FBXL17: variants seen among roughly 807,000 people sequenced by gnomAD.
The protein encoded by FBXL17 is F-box and leucine rich repeat protein 17, also known as F-box/LRR-repeat protein 17.
A neutral mutation model predicts 66.2 loss-of-function variants in FBXL17; 22 were observed. That is an observed-to-expected ratio of 0.33 (90% CI 0.24 to 0.47). FBXL17 has a LOEUF of 0.47. Among genes scored for constraint, FBXL17 ranks in the 20% least tolerant of loss-of-function variants. FBXL17 has a pLI of 1.00. For synonymous variants in FBXL17, 474 were observed against 400.5 expected, an observed-to-expected ratio of 1.18 and a Z score of -2.19; for missense variants, 878 against 948.2, an observed-to-expected ratio of 0.93 and a Z score of 0.97.
Position 108,289,949 on chromosome 5 carries a change from G to A in FBXL17, c.1506+58450C>T, listed in dbSNP as rs200957827. The stretch of plus-strand genomic sequence containing the variant: ...TCTTTGTGCAAGTGTATTTTACTCT[G>A]TAAAACATTCACAAAAACGCACAAA... On this transcript the variant is annotated intron_variant, in intron 4 of 8. Transcript: ENST00000542267. 7.2e-5 allele frequency among the ~76,000 whole-genome samples: 11 copies of A among 152,256 alleles called. No homozygotes were observed. The East Asian group carries it at 2.1e-3, about 29-fold the overall frequency.
intron 6 of FBXL17, among the ~76,000 whole-genome samples, chr5:108,151,007 T>G (rs1264763279): frequency 6.6e-6 from 1 of 152,204 alleles, no homozygotes; most frequent in Non-Finnish European, 1.5e-5. Flanking sequence ...TTTTGGTTGT[T>G]ACATTAACCA....
intron 7 of FBXL17, among the ~76,000 whole-genome samples, chr5:107,918,400 G>A (rs1485433872): frequency 2.6e-5 from 4 of 152,160 alleles, no homozygotes; most frequent in African/African-American, 9.7e-5. Flanking sequence ...TGTACAGAGA[G>A]TTTTTAAAAA....
chr5:108,371,243 G>T (rs113115160), intron 1 of FBXL17, among the ~76,000 whole-genome samples: 21 of 152,222 alleles, frequency 1.4e-4, no homozygotes, highest in Non-Finnish European at 3.1e-4. Context: ...CACCATTCTG[G>T]TCAGAAGAAT....
intron 6 of FBXL17, among the ~76,000 whole-genome samples, chr5:108,157,879 C>T (rs1215933490): frequency 6.6e-6 from 1 of 152,004 alleles, no homozygotes; most frequent in Non-Finnish European, 1.5e-5. Flanking sequence ...ACAATGGTAA[C>T]TTTCCATTAA....
intron 4 of FBXL17, among the ~76,000 whole-genome samples, chr5:108,295,653 A>C (rs1346270797): frequency 6.6e-6 from 1 of 152,036 alleles, no homozygotes; most frequent in East Asian, 1.9e-4. Flanking sequence ...ACACACACAC[A>C]ATCAACAAAC....
At chr5:107,880,193 G>C (rs1159555302) in intron 8 of FBXL17, 1 of 226,682 alleles carries the variant, frequency 4.4e-6, no homozygotes, top group Non-Finnish European at 7.3e-6. Context: ...TTAGCTTCCC[G>C]AGTAGCTGGG....
chr5:108,363,904 A>G (rs1210648889), intron 3 of FBXL17, among the ~76,000 whole-genome samples: 2 of 152,024 alleles, frequency 1.3e-5, no homozygotes, highest in African/African-American at 4.8e-5. Flanking sequence ...GATTAATTTA[A>G]TATGTTTAAG....
chr5:107,861,719 G>T lies in FBXL17; in HGVS notation c.*1C>A. ...CCAGTGGACTAGGCGAGGCAGGAGC[G>T]CTAGGAGGAGGCGGCAGACATGTTG... On this transcript the variant is annotated 3_prime_UTR_variant, in exon 9 of 9. Coordinates refer to ENST00000542267, the MANE Select transcript of FBXL17 (RefSeq NM_001163315.3). 1 of 1,572,052 alleles carries T rather than the reference G, an allele frequency of 6.4e-7. No individual in the cohort carries two copies.
intron 7 of FBXL17, among the ~76,000 whole-genome samples, chr5:108,011,815 C>T (rs531007918): frequency 5.8e-4 from 89 of 152,188 alleles, no homozygotes; most frequent in African/African-American, 1.8e-3. Flanking sequence ...CAGAGTGAGA[C>T]TCTATCTCAA....
chr5:108,333,935 T>G (rs1441152806), intron 4 of FBXL17, among the ~76,000 whole-genome samples: 1 of 152,338 alleles, frequency 6.6e-6, no homozygotes, highest in African/African-American at 2.4e-5. Context: ...CCAAGCTCAG[T>G]ACTATGCACT....
At chr5:108,084,268 G>A (rs1269870220) in intron 6 of FBXL17, among the ~76,000 whole-genome samples, 1 of 152,186 alleles carries the variant, frequency 6.6e-6, no homozygotes, top group Non-Finnish European at 1.5e-5. Flanking sequence ...CAGCAATGCT[G>A]CTTGTGTACG....
intron 5 of FBXL17, among the ~76,000 whole-genome samples, chr5:108,221,109 C>G (rs1754846414): frequency 6.6e-6 from 1 of 152,148 alleles, no homozygotes; most frequent in South Asian, 2.1e-4. Flanking sequence ...CTTCTTATCC[C>G]AATATTGCTT....
At chr5:108,043,299 T>C (rs777756849) in intron 6 of FBXL17, among the ~76,000 whole-genome samples, 1 of 152,180 alleles carries the variant, frequency 6.6e-6, no homozygotes, top group Non-Finnish European at 1.5e-5. Flanking sequence ...ATTACATGCC[T>C]AGCCCTAGAC....
Position 108,224,993 on chromosome 5 carries a change from T to A in FBXL17, c.1507-765A>T, listed in dbSNP as rs374649025. On this transcript the variant is annotated intron_variant, in intron 4 of 8. Coordinates refer to ENST00000542267, the MANE Select transcript of FBXL17 (RefSeq NM_001163315.3). ...AAATTCACCCTTTCAAAGAGTACAG[T>A]TCAGTATATTCGCAAGTTTATGCAC... 2.3e-4 allele frequency among the ~76,000 whole-genome samples: 35 copies of A among 152,200 alleles called. No homozygotes were observed. The South Asian group carries it at 7.1e-3, about 31-fold the overall frequency.
intron 4 of FBXL17, among the ~76,000 whole-genome samples, chr5:108,283,479 C>T (rs1339520184): frequency 6.6e-6 from 1 of 151,532 alleles, no homozygotes; most frequent in Non-Finnish European, 1.5e-5. Flanking sequence ...ACTGGACTGC[C>T]ATATGAAGGA....
intron 6 of FBXL17, among the ~76,000 whole-genome samples, chr5:108,065,490 A>G (rs1748083362): frequency 6.6e-6 from 1 of 152,220 alleles, no homozygotes; most frequent in South Asian, 2.1e-4. Context: ...CGTGGCAATT[A>G]ATCCCTTGTA....
intron 7 of FBXL17, among the ~76,000 whole-genome samples, chr5:107,971,928 T>C (rs1228888129): frequency 1.3e-5 from 2 of 152,200 alleles, no homozygotes; most frequent in Non-Finnish European, 2.9e-5. Flanking sequence ...CTCATACCTT[T>C]GGCAAAGGCC....
chr5:107,973,537 C>T (rs1025473790), intron 7 of FBXL17, among the ~76,000 whole-genome samples: 7 of 151,820 alleles, frequency 4.6e-5, no homozygotes, highest in African/African-American at 1.7e-4. Flanking sequence ...AATCTTCCTC[C>T]CTCTGCTGAC....
chr5:108,293,257 T>C (rs553618451), intron 4 of FBXL17, among the ~76,000 whole-genome samples: 5 of 152,290 alleles, frequency 3.3e-5, no homozygotes, highest in South Asian at 2.1e-4. Flanking sequence ...AAGTGAAATA[T>C]TGTAATACTA....
Sources: allele counts gnomAD v4.1 joint callset (sites outside exome capture counted in the v4.1 genomes callset), GRCh38; gene constraint gnomAD v4.1.1; transcripts MANE v1.5; gene names NCBI Gene and HGNC (gene_info 2026-07-23, HGNC 2026-07-21).